Variants in NOL4 observed in about 807,000 individuals in gnomAD.
The protein encoded by NOL4 is cancer/testis antigen 125.
NOL4 carries 17 observed loss-of-function variants against 75.9 expected under a neutral mutation model. That is an observed-to-expected ratio of 0.22 (90% CI 0.15 to 0.34). The LOEUF is 0.34. NOL4 is among the 10% of genes least tolerant of loss of function. The pLI is 1.00. For missense variants in NOL4, 614 were observed against 793.5 expected (o/e 0.77, Z 2.72); for synonymous variants, 292 against 289.9 (o/e 1.01, Z -0.07).
intron 4 of NOL4, among the ~76,000 whole-genome samples, chr18:34,102,443 C>T (rs1264701914): frequency 6.6e-6 from 1 of 151,968 alleles, no homozygotes; most frequent in East Asian, 1.9e-4. Context: ...TTTCAATAAA[C>T]ACAATTTTCT....
At chr18:33,936,748 A>G (rs924205470) in intron 9 of NOL4, among the ~76,000 whole-genome samples, 4 of 152,134 alleles carry the variant, frequency 2.6e-5, no homozygotes, top group African/African-American at 9.7e-5. Flanking sequence ...AGCAGAAAAC[A>G]TAACAAGGAA....
intron 2 of NOL4, among the ~76,000 whole-genome samples, chr18:34,121,713 A>G (rs1266869095): frequency 6.6e-6 from 1 of 152,188 alleles, no homozygotes. Context: ...TAAGAAACAC[A>G]TTTTTCAAAG....
At chr18:34,062,682 C>T (rs549313635) in intron 5 of NOL4, among the ~76,000 whole-genome samples, 2 of 152,144 alleles carry the variant, frequency 1.3e-5, no homozygotes, top group Non-Finnish European at 2.9e-5. Context: ...TTCAATTTTA[C>T]TCAAATGTCC....
intron 1 of NOL4, among the ~76,000 whole-genome samples, chr18:34,217,626 A>G (rs542340310): frequency 6.6e-6 from 1 of 152,114 alleles, no homozygotes; most frequent in Non-Finnish European, 1.5e-5. Context: ...TTTTGAGTTC[A>G]TAAAATATAC....
chr18:34,108,538 G>C (rs2079426528), intron 2 of NOL4, among the ~76,000 whole-genome samples: 1 of 152,124 alleles, frequency 6.6e-6, no homozygotes, highest in Non-Finnish European at 1.5e-5. Context: ...AAAGGGATCA[G>C]GGCTGGCTAT....
intron 1 of NOL4, among the ~76,000 whole-genome samples, chr18:34,201,589 C>T (rs1365848849): frequency 1.3e-5 from 2 of 151,748 alleles, no homozygotes; most frequent in Non-Finnish European, 3.0e-5. Context: ...ATCCTTTCTC[C>T]ATTAACATAA....
At chr18:33,952,864 C>T (rs536727239) in intron 8 of NOL4, among the ~76,000 whole-genome samples, 79 of 152,260 alleles carry the variant, frequency 5.2e-4, no homozygotes, top group Non-Finnish European at 8.8e-4. Flanking sequence ...GTGGAGGTTG[C>T]GGTGAGCTGA....
chr18:33,882,387 T>C (rs1250775909), intron 10 of NOL4, among the ~76,000 whole-genome samples: 2 of 151,818 alleles, frequency 1.3e-5, no homozygotes, highest in Non-Finnish European at 2.9e-5. Context: ...CACCAAAAAG[T>C]GGGTGAAGGA....
chr18:34,005,671 T>C (rs905979826), intron 6 of NOL4, among the ~76,000 whole-genome samples: 4 of 152,062 alleles, frequency 2.6e-5, no homozygotes, highest in Non-Finnish European at 5.9e-5. Flanking sequence ...CCATTCAACG[T>C]AGTGCTGAGA....
At chr18:34,056,745 C>CT (rs958073279) in intron 5 of NOL4, among the ~76,000 whole-genome samples, 59 of 151,876 alleles carry the variant, frequency 3.9e-4, no homozygotes, top group Non-Finnish European at 6.3e-4. Flanking sequence ...TTACTAGGAT[C>CT]TTTTTTTTGG....
chr18:33,917,362 T>C (rs1003044270), intron 9 of NOL4, among the ~76,000 whole-genome samples: 2 of 152,106 alleles, frequency 1.3e-5, no homozygotes, highest in Middle Eastern at 3.2e-3. Flanking sequence ...TTCTGTCTGA[T>C]CTCAGGAATC....
intron 10 of NOL4, among the ~76,000 whole-genome samples, chr18:33,858,976 T>C (rs572413145): frequency 1.3e-5 from 2 of 152,220 alleles, no homozygotes; most frequent in South Asian, 4.1e-4. Context: ...TTTATACTGT[T>C]TAAACTTTTA....
intron 8 of NOL4, among the ~76,000 whole-genome samples, chr18:33,946,537 T>A (rs1025207997): frequency 6.6e-6 from 1 of 151,774 alleles, no homozygotes; most frequent in South Asian, 2.1e-4. Flanking sequence ...TTATAATCCC[T>A]AGTGAACTAT....
intron 9 of NOL4, among the ~76,000 whole-genome samples, chr18:33,905,518 T>C (rs967482137): frequency 6.6e-6 from 1 of 152,134 alleles, no homozygotes; most frequent in Non-Finnish European, 1.5e-5. Context: ...GAAAACCCTA[T>C]GTGTCTTGCT....
intron 5 of NOL4, among the ~76,000 whole-genome samples, chr18:34,034,696 C>T (rs959909530): frequency 3.9e-5 from 6 of 152,098 alleles, no homozygotes; most frequent in Admixed American, 1.3e-4. Flanking sequence ...GTGGAGATTG[C>T]GCCACTGTAC....
In NOL4 at chr18:33,944,910, G is replaced by A. The variant is rs147842010; in HGVS notation, c.1429-1732C>T. ...AGCTATAAAATCAGTCTCATTAACCGATGATCACTGCCTGGCTCAAAAATG... is the reference window on the plus strand; with the variant it reads ...AGCTATAAAATCAGTCTCATTAACCAATGATCACTGCCTGGCTCAAAAATG... On this transcript the variant is annotated intron_variant, in intron 8 of 10. Coordinates refer to ENST00000261592, the MANE Select transcript of NOL4 (RefSeq NM_003787.5). Among the ~76,000 whole-genome samples the A allele has an allele frequency of 7.6e-4, 116 of 151,914 alleles. No homozygotes were observed. In the Middle Eastern group the frequency reaches 0.01, roughly 13 times the overall value.
intron 6 of NOL4, among the ~76,000 whole-genome samples, chr18:33,970,037 T>G (rs891837298): frequency 8.1e-4 from 124 of 152,150 alleles, no homozygotes; most frequent in Non-Finnish European, 2.1e-4. Context: ...CTGGACCCAT[T>G]CAGTAGGTCT....
chr18:33,985,104 G>A (rs1447903412), intron 6 of NOL4, among the ~76,000 whole-genome samples: 1 of 151,970 alleles, frequency 6.6e-6, no homozygotes, highest in Non-Finnish European at 1.5e-5. Context: ...AACAAAAACT[G>A]ATCAAAAATT....
At chr18:34,128,057 T>C (rs1372706387) in intron 2 of NOL4, among the ~76,000 whole-genome samples, 2 of 151,880 alleles carry the variant, frequency 1.3e-5, no homozygotes, top group African/African-American at 4.8e-5. Context: ...TGGAAACATG[T>C]TTATCAATTT....
Sources: gnomAD v4.1 joint callset for allele counts (sites outside exome capture counted in the v4.1 genomes callset) on GRCh38, gnomAD v4.1.1 for gene constraint, MANE v1.5 for transcripts, NCBI Gene and HGNC (gene_info 2026-07-23, HGNC 2026-07-21) for gene names.